The following PDLIM3 variants were observed in gnomAD, a reference collection of about 807,000 sequenced individuals.
The protein encoded by PDLIM3 is PDZ and LIM domain 3, also known as PDZ and LIM domain protein 3.
A neutral mutation model predicts 37.3 loss-of-function variants in PDLIM3; 36 were observed. The observed-to-expected ratio is 0.97, with a 90% CI of 0.74 to 1.28. The LOEUF is 1.28. PDLIM3 is among the 50% of genes most tolerant of loss of function. The pLI is 0.00. For missense variants in PDLIM3, 454 were observed against 485.0 expected (o/e 0.94, Z 0.60); for synonymous variants, 174 against 182.4 (o/e 0.95, Z 0.37).
At chr4:185,513,618 T>C in intron 4 of PDLIM3, 1 of 987,502 alleles carries the variant, frequency 1.0e-6, no homozygotes, top group East Asian at 1.1e-4. Flanking sequence ...TCATATTCAA[T>C]GTTCCTGTCG....
At position 185,504,821 on chromosome 4, in the gene PDLIM3, A is replaced by G. The variant is rs2095694000; in HGVS notation, c.794-235T>C. ...GAGGAAACTGTTACAAAAACGCTCA[A>G]AGGAGCAGAGGGCATTATTATTTTT... On this transcript the variant is annotated intron_variant, in intron 6 of 7. Transcript: ENST00000284767. This position sits in a 1 kb window ranked among gnomAD's most constrained non-coding sequence, Gnocchi z 4.7. Among the ~76,000 whole-genome samples, 1 of 152,216 alleles carries G rather than the reference A, an allele frequency of 6.6e-6. No homozygotes were observed. Among genetic ancestry groups the G allele is most frequent in the Non-Finnish European group, 1.5e-5 (1 of 68,032 alleles).
intron 1 of PDLIM3, 131 bp from the exon 2 acceptor site, chr4:185,525,302 A>AGAGTTATCTTTAGTT: frequency 1.1e-6 from 1 of 894,310 alleles, no homozygotes; most frequent in Non-Finnish European, 1.8e-6. Flanking sequence ...AATCTAACTA[A>AGAGTTATCTTTAGTT]AGATAACTCT....
At chr4:185,525,771 G>C (rs1167524071) in intron 1 of PDLIM3, among the ~76,000 whole-genome samples, 1 of 152,114 alleles carries the variant, frequency 6.6e-6, no homozygotes, top group Non-Finnish European at 1.5e-5. Flanking sequence ...GCCTCAGAGA[G>C]AGCTCTCAGC....
intron 2 of PDLIM3, 82 bp downstream of exon 2, chr4:185,524,938 G>T: frequency 7.2e-7 from 1 of 1,388,074 alleles, no homozygotes. Context: ...CCTCCTTGCT[G>T]GGAGGATGAA....
At chr4:185,519,764 TGAGA>T (rs1270826496) in intron 3 of PDLIM3, among the ~76,000 whole-genome samples, 1 of 152,186 alleles carries the variant, frequency 6.6e-6, no homozygotes, top group African/African-American at 2.4e-5. Flanking sequence ...AATAAGTAAG[TGAGA>T]AAGTGTATTT....
Position 185,514,827 on chromosome 4 carries a change from T to C in PDLIM3, c.331-490A>G, listed in dbSNP as rs2095712402. 3 of 1,551,616 alleles carry C rather than the reference T, an allele frequency of 1.9e-6. No homozygotes were observed. The South Asian group carries it at 3.6e-5, about 18-fold the overall frequency. ...CTCACTACCTGTCTTTTGTCATCAA[T>C]GTTTGCAGCTGCAACAAAAGGCTGG... On this transcript the variant is annotated intron_variant, in intron 3 of 7. Transcript: ENST00000284767. This position sits in a 1 kb window ranked among gnomAD's most constrained non-coding sequence, Gnocchi z 4.0.
In PDLIM3 at chr4:185,502,428, C is replaced by T. The variant is rs1222033564; in HGVS notation, c.961G>A (p.Ala321Thr). 6.2e-7 allele frequency: 1 copy of T among 1,614,212 alleles called. No individual in the cohort carries two copies. Among genetic ancestry groups the T allele is most frequent in the Non-Finnish European group, 8.5e-7 (1 of 1,180,040 alleles). The part of the protein sequence containing the change: ...KYRHPECFVC[A>T]DCNLNLKQKG... ...TGCTTGAGGTTGAGGTTGCAGTCGG[C>T]ACACACGAAGCACTCAGGGTGCCGG... The change falls in exon 8 of 8, where the codon GCC (alanine) becomes ACC (threonine). Residue 321 changes from alanine (A) to threonine (T), a missense_variant. Ala to Thr is a moderately conservative substitution (Grantham distance 58). Transcript: ENST00000284767.
chr4:185,522,272 G>T (rs2095724295), intron 3 of PDLIM3, among the ~76,000 whole-genome samples: 1 of 66,244 alleles, frequency 1.5e-5, no homozygotes, highest in African/African-American at 2.7e-5. Context: ...GTAACGTACT[G>T]ATAATAAGGA....
Position 185,506,450 on chromosome 4 carries a change from G to GA in PDLIM3, c.793+71_793+72insT, listed in dbSNP as rs2095697350. The stretch of plus-strand genomic sequence containing the variant: ...TTAGACTTTCATTCCCAGTATGTTT[G>GA]CTGTCGTCCCCGTCCCGCCCCCTGC... On this transcript the variant is annotated intron_variant, in intron 6 of 7. Coordinates refer to ENST00000284767, the MANE Select transcript of PDLIM3 (RefSeq NM_014476.6). 6 of 1,584,084 alleles carry GA rather than the reference G, an allele frequency of 3.8e-6. No individual in the cohort carries two copies. In the African/African-American group the frequency reaches 8.1e-5, roughly 21 times the overall value.
At position 185,525,123 on chromosome 4, in the gene PDLIM3, C is replaced by T. The variant is rs1387380333; in HGVS notation, c.142G>A (p.Val48Ile). 1 of 1,614,154 alleles carries T rather than the reference C, an allele frequency of 6.2e-7. No individual in the cohort carries two copies. The highest frequency in any genetic ancestry group is 1.7e-5 in the Admixed American group (1 of 60,032). ...CCAAAGCCGTCAATAGCCAGGATGA[C>T]ATCTCCAGGACACAGGTTGGCAGCT... ...AAAANLCPGDVILAIDGFGTE... is the reference protein window; with the variant it reads ...AAAANLCPGDIILAIDGFGTE... The change falls in exon 2 of 8, where the codon GTC (valine) becomes ATC (isoleucine). Residue 48 changes from valine (V) to isoleucine (I), a missense_variant. Coordinates refer to ENST00000284767, the MANE Select transcript of PDLIM3 (RefSeq NM_014476.6).
intron 1 of PDLIM3, among the ~76,000 whole-genome samples, chr4:185,532,132 A>G (rs530706820): frequency 2.6e-5 from 4 of 152,266 alleles, no homozygotes; most frequent in African/African-American, 9.6e-5. Flanking sequence ...AAATCAACTC[A>G]CAATAAAACA....
chr4:185,514,344 A>G lies in PDLIM3; in HGVS notation c.331-7T>C. 6.2e-7 allele frequency: 1 copy of G among 1,614,254 alleles called. No homozygotes were observed. Among genetic ancestry groups the G allele is most frequent in the Non-Finnish European group, 8.5e-7 (1 of 1,180,046 alleles). On this transcript the variant is annotated splice_region_variant and splice_polypyrimidine_tract_variant and intron_variant, in intron 3 of 7. Coordinates refer to ENST00000284767, the MANE Select transcript of PDLIM3 (RefSeq NM_014476.6). The surrounding 1 kb of genome is among the most constrained non-coding windows in gnomAD (Gnocchi z 4.0). ...GTTCAAAGTAGTTCCCGTCCTGTGAAAACAAAGCGTTAAAAAGGCCCTCAG... is the reference window on the plus strand; with the variant it reads ...GTTCAAAGTAGTTCCCGTCCTGTGAGAACAAAGCGTTAAAAAGGCCCTCAG...
Position 185,514,467 on chromosome 4 carries a change from G to A in PDLIM3, c.331-130C>T. On this transcript the variant is annotated intron_variant, in intron 3 of 7. Coordinates refer to ENST00000284767, the MANE Select transcript of PDLIM3 (RefSeq NM_014476.6). The surrounding 1 kb of genome is among the most constrained non-coding windows in gnomAD (Gnocchi z 4.0). Reference sequence around the variant, plus strand: ...TACTGTCATAACTAAGAAAGGCGATGACGGGACCAGGACGATGTCTTCTTT... The same window carrying A: ...TACTGTCATAACTAAGAAAGGCGATAACGGGACCAGGACGATGTCTTCTTT... 1 of 1,561,704 alleles carries A rather than the reference G, an allele frequency of 6.4e-7. No homozygotes were observed. Among genetic ancestry groups the A allele is most frequent in the Non-Finnish European group, 8.7e-7 (1 of 1,143,500 alleles).
At chr4:185,529,096 T>C (rs930304464) in intron 1 of PDLIM3, among the ~76,000 whole-genome samples, 18 of 152,164 alleles carry the variant, frequency 1.2e-4, no homozygotes, top group African/African-American at 3.6e-4. Flanking sequence ...AGAGAGATCA[T>C]TGAACACGGT....
In PDLIM3 at chr4:185,501,130, C is replaced by T. The variant is rs947431653; in HGVS notation, c.*1164G>A. On this transcript the variant is annotated 3_prime_UTR_variant, in exon 8 of 8. Transcript: ENST00000284767. ...AGAGGCAAGGTAACGCCATGCAGAG[C>T]CTGCAAGGTAGGCTGCCTGCGCCAG... The T allele has an allele frequency of 3.3e-5, 5 of 152,124 alleles. No individual in the cohort carries two copies. Among genetic ancestry groups the T allele is most frequent in the African/African-American group, 1.2e-4 (5 of 41,398 alleles). 9.4% of individuals were successfully genotyped at this position (152,124 alleles called of 1,614,324 possible).
chr4:185,534,655 T>C (rs1057217748), intron 1 of PDLIM3, among the ~76,000 whole-genome samples: 2 of 152,236 alleles, frequency 1.3e-5, no homozygotes, highest in Non-Finnish European at 2.9e-5. Context: ...TTACTTTGCA[T>C]CAGGTAAACT....
At chr4:185,528,360 T>C (rs533660201) in intron 1 of PDLIM3, among the ~76,000 whole-genome samples, 1 of 152,338 alleles carries the variant, frequency 6.6e-6, no homozygotes, top group African/African-American at 2.4e-5. Flanking sequence ...GCCATACCCC[T>C]GATATTGGAC....
chr4:185,502,104 T>C lies in PDLIM3; in HGVS notation c.*190A>G. The C allele has an allele frequency of 3.1e-6, 2 of 646,664 alleles. No homozygotes were observed. Among genetic ancestry groups the C allele is most frequent in the East Asian group, 5.5e-5 (2 of 36,222 alleles). 40.1% of individuals were successfully genotyped at this position (646,664 alleles called of 1,614,324 possible). A position where few individuals can be genotyped will look rare whatever the true frequency, so the allele number is the denominator to read the frequency against. On this transcript the variant is annotated 3_prime_UTR_variant, in exon 8 of 8. Coordinates refer to ENST00000284767, the MANE Select transcript of PDLIM3 (RefSeq NM_014476.6). ...GAGTTGCAAAACATAGCTAAGTGTA[T>C]GTTTTTTTCACATAGCAGGCATTTG...
Position 185,501,623 on chromosome 4 carries a change from A to C in PDLIM3, c.*671T>G, listed in dbSNP as rs1414932186. 5 of 152,566 alleles carry C rather than the reference A, an allele frequency of 3.3e-5. No homozygotes were observed. The East Asian group carries it at 5.8e-4, about 18-fold the overall frequency. The allele number at this position is 152,566 out of a possible 1,614,324, so 9.5% of individuals were successfully genotyped here. The stretch of plus-strand genomic sequence containing the variant: ...TTTGTGCTCATAAGAAAGAGTAATG[A>C]GTTATAAAACCTGAAGAAGCCACAT... On this transcript the variant is annotated 3_prime_UTR_variant, in exon 8 of 8. Coordinates refer to ENST00000284767, the MANE Select transcript of PDLIM3 (RefSeq NM_014476.6).
Sources: allele counts gnomAD v4.1 joint callset (sites outside exome capture counted in the v4.1 genomes callset), GRCh38; gene constraint gnomAD v4.1.1; non-coding constraint Gnocchi (gnomAD v3.1); transcripts MANE v1.5; gene names NCBI Gene and HGNC (gene_info 2026-07-23, HGNC 2026-07-21).